COA1: variants seen among roughly 807,000 people sequenced by gnomAD.
The protein encoded by COA1 is cytochrome c oxidase assembly factor 1.
A neutral mutation model predicts 16.0 loss-of-function variants in COA1; 13 were observed. The ratio of observed to expected loss-of-function variants is 0.81; its 90% CI spans 0.53 to 1.29. The LOEUF (loss-of-function observed/expected upper bound fraction) is 1.29, where lower values mean the gene tolerates loss of function less well. Ranked by LOEUF, COA1 falls within the 50% of genes most tolerant of loss-of-function variation. COA1 has a pLI of 0.00. For synonymous variants in COA1, 65 were observed against 65.7 expected (o/e 0.99, Z 0.05); for missense variants, 179 against 177.0 (o/e 1.01, Z -0.06).
chr7:43,685,877 C>A (rs570784035), intron 1 of COA1, among the ~76,000 whole-genome samples: 4 of 152,094 alleles, frequency 2.6e-5, no homozygotes, highest in South Asian at 2.1e-4. Flanking sequence ...TCAAAGTCAC[C>A]AAGAAATTTC....
intron 5 of COA1, 80 bp downstream of exon 5, chr7:43,640,493 C>A (rs1013904318): frequency 2.0e-6 from 2 of 1,004,110 alleles, no homozygotes; most frequent in African/African-American, 3.3e-5. Flanking sequence ...AATTTAACAA[C>A]AAATGAAAAC....
At position 43,684,340 on chromosome 7, in the gene COA1, G is replaced by A. The variant is rs557296838; in HGVS notation, c.-38-35688C>T. Among the ~76,000 whole-genome samples the A allele has an allele frequency of 3.9e-5, 6 of 152,262 alleles. No homozygotes were observed. In the South Asian group the frequency reaches 1.0e-3, roughly 26 times the overall value. The stretch of plus-strand genomic sequence containing the variant: ...CTGTGCGGCCGGGAGTGGGTGAATG[G>A]GATTGGGGACCCCTGAACTAGGGTC... On this transcript the variant is annotated intron_variant, in intron 1 of 5. Transcript: ENST00000223336.
rs143420683 is a variant in COA1, at chr7:43,710,580, G to A, written c.-39+18849C>T. Among the ~76,000 whole-genome samples the A allele has an allele frequency of 2.7e-3, 411 of 151,722 alleles. 1 individual carries two copies. The highest frequency in any genetic ancestry group is 9.3e-3 in the African/African-American group (386 of 41,340). ...TCCCAGATGTCTGGCTTGAGTAAAG[G>A]ATGTTTACAGAAGGAAAATAATATT... On this transcript the variant is annotated intron_variant, in intron 1 of 5. Transcript: ENST00000223336.
intron 1 of COA1, among the ~76,000 whole-genome samples, chr7:43,712,205 C>T (rs948535219): frequency 1.8e-4 from 27 of 152,172 alleles, no homozygotes; most frequent in African/African-American, 5.5e-4. Context: ...CTCCACCTCC[C>T]GGGTTCAAGT....
intron 1 of COA1, among the ~76,000 whole-genome samples, chr7:43,698,842 G>A (rs981255138): frequency 1.4e-4 from 21 of 152,094 alleles, no homozygotes; most frequent in African/African-American, 4.6e-4. Context: ...ACGGCTTGAA[G>A]GTTACACCAT....
intron 1 of COA1, among the ~76,000 whole-genome samples, chr7:43,724,928 G>A (rs62461100): frequency 2.1e-3 from 315 of 152,308 alleles, no homozygotes; most frequent in Middle Eastern, 6.8e-3. Flanking sequence ...CATTTAATGG[G>A]TGCAGTGTGT....
At chr7:43,696,684 T>C (rs961369006) in intron 1 of COA1, among the ~76,000 whole-genome samples, 1 of 150,500 alleles carries the variant, frequency 6.6e-6, no homozygotes, top group African/African-American at 2.4e-5. Context: ...AAAATAAAAA[T>C]GTTGATATAT....
At chr7:43,691,410 AGGAAG>A (rs2094338983) in intron 1 of COA1, among the ~76,000 whole-genome samples, 2 of 120,882 alleles carry the variant, frequency 1.7e-5, no homozygotes, top group East Asian at 2.9e-4. Flanking sequence ...GAAGGAAGGA[AGGAAG>A]AAAGAAAAAG....
At chr7:43,647,341 C>T (rs2089628332) in intron 3 of COA1, 194 bp downstream of exon 3, 1 of 601,124 alleles carries the variant, frequency 1.7e-6, no homozygotes, top group Non-Finnish European at 3.0e-6. Context: ...TTTATTTGTA[C>T]TCGTTGCTCC....
intron 1 of COA1, among the ~76,000 whole-genome samples, chr7:43,702,465 T>C (rs1563421894): frequency 6.6e-6 from 1 of 152,178 alleles, no homozygotes; most frequent in Non-Finnish European, 1.5e-5. Flanking sequence ...TGTCTGTCTT[T>C]CTACTGGTAC....
intron 1 of COA1, among the ~76,000 whole-genome samples, chr7:43,719,885 T>C (rs972300122): frequency 1.3e-5 from 2 of 152,058 alleles, no homozygotes; most frequent in African/African-American, 4.8e-5. Flanking sequence ...TGGCATGAGA[T>C]GAGACTATAA....
At chr7:43,721,369 T>C (rs753839803) in intron 1 of COA1, among the ~76,000 whole-genome samples, 3 of 152,346 alleles carry the variant, frequency 2.0e-5, no homozygotes, top group Non-Finnish European at 4.4e-5. Flanking sequence ...CCACAATCTT[T>C]ATTAGTAAAT....
At chr7:43,724,724 A>T (rs919906961) in intron 1 of COA1, among the ~76,000 whole-genome samples, 21 of 152,228 alleles carry the variant, frequency 1.4e-4, no homozygotes, top group Non-Finnish European at 2.1e-4. Context: ...TTCAGTCTTT[A>T]AAAAAATGAA....
At chr7:43,646,544 C>T (rs570902993) in intron 3 of COA1, 145 of 456,612 alleles carry the variant, frequency 3.2e-4, no homozygotes, top group South Asian at 8.7e-4. Flanking sequence ...CCCAGGCAGT[C>T]GGCTGCAGTG....
intron 1 of COA1, among the ~76,000 whole-genome samples, chr7:43,702,150 C>G (rs1256053029): frequency 6.6e-6 from 1 of 152,058 alleles, no homozygotes; most frequent in Non-Finnish European, 1.5e-5. Context: ...TTTGCCAAGG[C>G]CTATGTCCAG....
rs140820587 is a variant in COA1 at position 43,683,130 on chromosome 7, T to C, written c.-38-34478A>G. Among the ~76,000 whole-genome samples the C allele has an allele frequency of 6.9e-3, 1,056 of 152,166 alleles. 2 individuals carry two copies. The highest frequency in any genetic ancestry group is 0.01 in the Non-Finnish European group (702 of 68,000). The stretch of plus-strand genomic sequence containing the variant: ...GCTTCGGCCTCCCAAAGTGCTAGGA[T>C]TACAGGCATGAACCACCATGCCCAG... On this transcript the variant is annotated intron_variant, in intron 1 of 5. Transcript: ENST00000223336.
chr7:43,610,582 G>A (rs757443004), intron 6 of COA1, among the ~76,000 whole-genome samples: 122 of 151,962 alleles, frequency 8.0e-4, no homozygotes, highest in Non-Finnish European at 1.6e-3. Context: ...GGGGAGAATC[G>A]CTTGAATCCG....
intron 1 of COA1, among the ~76,000 whole-genome samples, chr7:43,655,853 T>A (rs1003503102): frequency 2.0e-5 from 3 of 152,186 alleles, no homozygotes; most frequent in Non-Finnish European, 4.4e-5. Flanking sequence ...CAGTTTGCAC[T>A]CTGGCACTCT....
intron 1 of COA1, among the ~76,000 whole-genome samples, chr7:43,699,766 T>C (rs906799789): frequency 1.3e-5 from 2 of 152,212 alleles, no homozygotes; most frequent in Admixed American, 1.3e-4. Context: ...TTAGAAGTTA[T>C]GGCCAAAGGC....
Sources: allele counts gnomAD v4.1 joint callset (sites outside exome capture counted in the v4.1 genomes callset), GRCh38; gene constraint gnomAD v4.1.1; transcripts MANE v1.5; gene names NCBI Gene and HGNC (gene_info 2026-07-23, HGNC 2026-07-21).